Variants in PDE4D observed in about 807,000 individuals in gnomAD.
PDE4D encodes the protein 3',5'-cyclic-AMP phosphodiesterase 4D.
Under a neutral mutation model 87.4 loss-of-function variants are expected in PDE4D, and 24 were observed. The observed-to-expected ratio is 0.27, with a 90% CI of 0.20 to 0.39. PDE4D has a LOEUF of 0.39. Ranked by LOEUF, PDE4D falls within the 10% of genes least tolerant of loss-of-function variation. The pLI is 1.00. For missense variants in PDE4D, 714 were observed against 1,041.0 expected (o/e 0.69, Z 4.32); for synonymous variants, 384 against 383.2 (o/e 1.00, Z -0.02).
intron 5 of PDE4D, among the ~76,000 whole-genome samples, chr5:59,162,492 C>T (rs909861109): frequency 7.9e-5 from 12 of 151,972 alleles, no homozygotes; most frequent in South Asian, 4.2e-4. Context: ...ACAGACTTCA[C>T]CTGTAGTGAG....
chr5:59,152,275 A>G (rs1158679680), intron 5 of PDE4D, among the ~76,000 whole-genome samples: 1 of 152,224 alleles, frequency 6.6e-6, no homozygotes, highest in Non-Finnish European at 1.5e-5. Context: ...GAGAGAAACA[A>G]AGCAAAGAAA....
chr5:59,062,228 T>C (rs1241405058), intron 5 of PDE4D, among the ~76,000 whole-genome samples: 2 of 152,134 alleles, frequency 1.3e-5, no homozygotes, highest in East Asian at 1.9e-4. Context: ...ACCAAACATA[T>C]AAGATCTATT....
At chr5:59,821,265 C>CAACAACAACAAA (rs1461808408) in intron 1 of PDE4D, among the ~76,000 whole-genome samples, 3 of 151,818 alleles carry the variant, frequency 2.0e-5, no homozygotes, top group African/African-American at 4.8e-5. Flanking sequence ...ACAACAACAA[C>CAACAACAACAAA]AACAACAACA....
At chr5:59,828,421 A>AT (rs1770580443) in intron 1 of PDE4D, among the ~76,000 whole-genome samples, 1 of 151,822 alleles carries the variant, frequency 6.6e-6, no homozygotes, top group African/African-American at 2.4e-5. Flanking sequence ...AAATACATGT[A>AT]TTTTTTCTTT....
chr5:59,370,736 G>T (rs1783810713), intron 1 of PDE4D, among the ~76,000 whole-genome samples: 1 of 152,134 alleles, frequency 6.6e-6, no homozygotes, highest in Admixed American at 6.6e-5. Flanking sequence ...CCAACAACTA[G>T]AATAGGGCCA....
At chr5:59,333,604 T>C (rs964307623) in intron 1 of PDE4D, among the ~76,000 whole-genome samples, 1 of 152,206 alleles carries the variant, frequency 6.6e-6, no homozygotes, top group Non-Finnish European at 1.5e-5. Context: ...CAGTTCATTA[T>C]CAGAGCAATT....
intron 1 of PDE4D, among the ~76,000 whole-genome samples, chr5:60,480,044 T>C (rs1275028908): frequency 6.6e-6 from 1 of 152,210 alleles, no homozygotes; most frequent in Non-Finnish European, 1.5e-5. Context: ...GCTGATGCAG[T>C]AGAGCAGTCT....
intron 2 of PDE4D, among the ~76,000 whole-genome samples, chr5:60,086,003 G>A (rs1338113942): frequency 2.6e-5 from 4 of 152,126 alleles, no homozygotes; most frequent in African/African-American, 9.7e-5. Context: ...CTCTGACAAT[G>A]TTTTAATTAC....
intron 1 of PDE4D, among the ~76,000 whole-genome samples, chr5:59,372,105 CCAGAAAGGACT>C (rs1354838051): frequency 3.3e-5 from 5 of 152,152 alleles, no homozygotes; most frequent in Non-Finnish European, 7.3e-5. Flanking sequence ...CTGTTTTGTT[CCAGAAAGGACT>C]CAAGGCTTCT....
intron 1 of PDE4D, chr5:59,586,899 A>T: frequency 1.0e-6 from 1 of 985,460 alleles, no homozygotes; most frequent in Non-Finnish European, 1.2e-6. Context: ...GCACATATTC[A>T]TGTATGGTCA....
intron 1 of PDE4D, among the ~76,000 whole-genome samples, chr5:60,298,332 G>A (rs566446273): frequency 1.3e-5 from 2 of 152,034 alleles, no homozygotes; most frequent in East Asian, 3.9e-4. Flanking sequence ...TAGCCATTTG[G>A]AAGAGAAAAA....
At chr5:59,773,271 T>C (rs1038598864) in intron 1 of PDE4D, among the ~76,000 whole-genome samples, 1 of 152,212 alleles carries the variant, frequency 6.6e-6, no homozygotes, top group African/African-American at 2.4e-5. Context: ...TCATATAGTT[T>C]ACCAATGGCA....
At chr5:59,670,796 T>A (rs1747072966) in intron 1 of PDE4D, among the ~76,000 whole-genome samples, 1 of 152,122 alleles carries the variant, frequency 6.6e-6, no homozygotes, top group Non-Finnish European at 1.5e-5. Flanking sequence ...ACTGCAATGA[T>A]CAACATAGCT....
chr5:59,500,155 G>T (rs899357645), intron 1 of PDE4D, among the ~76,000 whole-genome samples: 17 of 152,106 alleles, frequency 1.1e-4, no homozygotes, highest in African/African-American at 3.9e-4. Context: ...CACACTGTTG[G>T]CAGGAATGCA....
intron 6 of PDE4D, among the ~76,000 whole-genome samples, chr5:59,005,237 T>G (rs1446179134): frequency 6.6e-6 from 1 of 152,202 alleles, no homozygotes; most frequent in Non-Finnish European, 1.5e-5. Flanking sequence ...CTGCTGAATG[T>G]GAGTGATGGT....
At chr5:59,529,528 A>G (rs1342980599) in intron 1 of PDE4D, among the ~76,000 whole-genome samples, 1 of 152,182 alleles carries the variant, frequency 6.6e-6, no homozygotes, top group Non-Finnish European at 1.5e-5. Context: ...GAAGAGTCAC[A>G]TCATAGCTGT....
intron 1 of PDE4D, among the ~76,000 whole-genome samples, chr5:60,240,129 CACAT>C: frequency 6.6e-6 from 1 of 151,998 alleles, no homozygotes; most frequent in Non-Finnish European, 1.5e-5. Context: ...TATTAATACA[CACAT>C]TTTTCTTTTA....
At chr5:59,657,867 C>T (rs1044471350) in intron 1 of PDE4D, among the ~76,000 whole-genome samples, 11 of 152,174 alleles carry the variant, frequency 7.2e-5, no homozygotes, top group Non-Finnish European at 1.0e-4. Context: ...TGTACAAACA[C>T]TGTTTAACAT....
intron 1 of PDE4D, among the ~76,000 whole-genome samples, chr5:60,463,183 T>C (rs572838166): frequency 1.3e-5 from 2 of 152,202 alleles, no homozygotes; most frequent in African/African-American, 4.8e-5. Context: ...GCACTGAGCC[T>C]ATGCATACAG....
Sources: allele counts gnomAD v4.1 joint callset (sites outside exome capture counted in the v4.1 genomes callset), GRCh38; gene constraint gnomAD v4.1.1; transcripts MANE v1.5; gene names NCBI Gene and HGNC (gene_info 2026-07-23, HGNC 2026-07-21).